The following PDE4B variants were observed in gnomAD, a reference collection of about 807,000 sequenced individuals.
PDE4B encodes phosphodiesterase 4B.
Under a neutral mutation model 82.2 loss-of-function variants are expected in PDE4B, and 20 were observed. The observed-to-expected ratio is 0.24, with a 90% confidence interval of 0.17 to 0.35. The LOEUF is 0.35. PDE4B is among the 10% of genes least tolerant of loss of function. The pLI, the probability that PDE4B is intolerant of heterozygous loss-of-function variation, is 1.00. For missense variants in PDE4B, 655 were observed against 907.2 expected, an observed-to-expected ratio of 0.72 and a Z score of 3.57; for synonymous variants, 320 against 318.9, an observed-to-expected ratio of 1.00 and a Z score of -0.04.
At chr1:66,023,600 C>T (rs11805467) in intron 3 of PDE4B, among the ~76,000 whole-genome samples, 120 of 152,130 alleles carry the variant, frequency 7.9e-4, no homozygotes, top group African/African-American at 2.7e-3. Flanking sequence ...AGAGGGAATT[C>T]CAGGTGAAGG....
At chr1:65,993,436 T>C (rs1168778362) in intron 3 of PDE4B, among the ~76,000 whole-genome samples, 2 of 152,222 alleles carry the variant, frequency 1.3e-5, no homozygotes, top group East Asian at 3.8e-4. Context: ...AATGAATTTT[T>C]AAAGTCAGTT....
intron 7 of PDE4B, chr1:66,331,963 C>A: frequency 9.9e-7 from 1 of 1,011,668 alleles, no homozygotes; most frequent in South Asian, 4.0e-5. Context: ...TGAACACAAT[C>A]CTCAGGATGA....
chr1:66,026,681 G>T (rs1653452971), intron 3 of PDE4B, among the ~76,000 whole-genome samples: 1 of 152,186 alleles, frequency 6.6e-6, no homozygotes, highest in Non-Finnish European at 1.5e-5. Flanking sequence ...ACTCAGCAAT[G>T]TGCCTGGTAT....
intron 3 of PDE4B, chr1:66,152,587 T>C (rs1646419561): frequency 4.3e-6 from 1 of 231,460 alleles, no homozygotes; most frequent in Admixed American, 3.8e-5. Flanking sequence ...TGTGCATATA[T>C]ATGTGTGTGT....
intron 4 of PDE4B, among the ~76,000 whole-genome samples, chr1:66,255,627 A>C (rs1654158478): frequency 1.3e-5 from 2 of 152,144 alleles, no homozygotes; most frequent in South Asian, 4.1e-4. Flanking sequence ...CTGACTTTTT[A>C]AATCCTTCAA....
chr1:66,096,252 A>T (rs1348137441), intron 3 of PDE4B, among the ~76,000 whole-genome samples: 1 of 151,522 alleles, frequency 6.6e-6, no homozygotes, highest in Non-Finnish European at 1.5e-5. Context: ...TCCTCATATG[A>T]GTGAGAACAT....
intron 1 of PDE4B, among the ~76,000 whole-genome samples, chr1:65,909,999 G>A (rs1436071204): frequency 6.6e-6 from 1 of 152,206 alleles, no homozygotes; most frequent in African/African-American, 2.4e-5. Flanking sequence ...TACAGTGATA[G>A]GTTAATAGTC....
intron 1 of PDE4B, among the ~76,000 whole-genome samples, chr1:65,876,805 T>C (rs937869807): frequency 6.6e-6 from 1 of 152,068 alleles, no homozygotes. Context: ...TCATAATTGC[T>C]ACAAAAAAAT....
At chr1:65,997,772 A>G (rs1651633266) in intron 3 of PDE4B, among the ~76,000 whole-genome samples, 2 of 152,228 alleles carry the variant, frequency 1.3e-5, no homozygotes, top group African/African-American at 2.4e-5. Context: ...CTTGTCTTCA[A>G]AGAACTCCTA....
chr1:65,931,554 T>C (rs559846132), intron 3 of PDE4B, among the ~76,000 whole-genome samples: 6 of 152,312 alleles, frequency 3.9e-5, no homozygotes, highest in Non-Finnish European at 5.9e-5. Flanking sequence ...CAATAGACAA[T>C]TGAAATTTGA....
At chr1:65,882,258 T>C (rs1280744949) in intron 1 of PDE4B, among the ~76,000 whole-genome samples, 1 of 152,206 alleles carries the variant, frequency 6.6e-6, no homozygotes, top group Non-Finnish European at 1.5e-5. Flanking sequence ...TGTTGCTGAC[T>C]TTAAAAACGC....
chr1:66,317,485 T>G (rs1384201871), intron 7 of PDE4B, among the ~76,000 whole-genome samples: 2 of 152,146 alleles, frequency 1.3e-5, no homozygotes, highest in Non-Finnish European at 2.9e-5. Context: ...CACATTTTGG[T>G]GTAGATGATA....
chr1:66,332,685 CT>C, intron 8 of PDE4B, 65 bp downstream of exon 8: 1 of 1,340,516 alleles, frequency 7.5e-7, no homozygotes, highest in East Asian at 2.4e-5. Context: ...CCCCTCACCC[CT>C]GTCTGCAGCA....
intron 1 of PDE4B, among the ~76,000 whole-genome samples, chr1:65,910,813 A>T (rs1486794091): frequency 2.0e-5 from 3 of 152,178 alleles, no homozygotes; most frequent in Admixed American, 6.6e-5. Context: ...CAGGAGCCAG[A>T]GGGCTAGACA....
chr1:65,809,332 C>CAAAAAAAAAAAAA (rs11366228), intron 1 of PDE4B, among the ~76,000 whole-genome samples: 2 of 72,514 alleles, frequency 2.8e-5, no homozygotes, highest in African/African-American at 5.4e-5. Flanking sequence ...CTCCATCTCA[C>CAAAAAAAAAAAAA]AAAAAAAAAA....
At chr1:66,213,728 A>G (rs1301458007) in intron 3 of PDE4B, among the ~76,000 whole-genome samples, 1 of 152,100 alleles carries the variant, frequency 6.6e-6, no homozygotes, top group Non-Finnish European at 1.5e-5. Context: ...TTGACCATAT[A>G]TTTATTTTCA....
At chr1:66,134,958 A>G (rs1168270487) in intron 3 of PDE4B, among the ~76,000 whole-genome samples, 1 of 152,254 alleles carries the variant, frequency 6.6e-6, no homozygotes, top group Admixed American at 6.5e-5. Flanking sequence ...ATGCATAATT[A>G]CATAGTCGTA....
chr1:66,203,375 C>T (rs1649202017), intron 3 of PDE4B, among the ~76,000 whole-genome samples: 1 of 152,074 alleles, frequency 6.6e-6, no homozygotes, highest in Non-Finnish European at 1.5e-5. Flanking sequence ...TCTGTATTTC[C>T]TGAATCTGAA....
At chr1:65,958,703 T>A (rs1285226823) in intron 3 of PDE4B, among the ~76,000 whole-genome samples, 1 of 151,860 alleles carries the variant, frequency 6.6e-6, no homozygotes, top group Non-Finnish European at 1.5e-5. Context: ...CCATTTTGAC[T>A]AAGTTTTTTA....
Sources: allele counts gnomAD v4.1 joint callset (sites outside exome capture counted in the v4.1 genomes callset), GRCh38; gene constraint gnomAD v4.1.1; transcripts MANE v1.5; gene names NCBI Gene and HGNC (gene_info 2026-07-23, HGNC 2026-07-21).